The following MGAT5 variants were observed in gnomAD, a reference collection of about 807,000 sequenced individuals.
MGAT5 encodes alpha-1,6-mannosylglycoprotein 6-beta-N-acetylglucosaminyltransferase A.
A neutral mutation model predicts 94.3 loss-of-function variants in MGAT5; 30 were observed. That is an observed-to-expected ratio of 0.32 (90% CI 0.24 to 0.43). The LOEUF is 0.43. Ranked by LOEUF, MGAT5 falls within the 20% of genes least tolerant of loss-of-function variation. The pLI is 1.00. For synonymous variants in MGAT5, 310 were observed against 322.9 expected, an observed-to-expected ratio of 0.96 and a Z score of 0.43; for missense variants, 691 against 905.5, an observed-to-expected ratio of 0.76 and a Z score of 3.04.
intron 2 of MGAT5, among the ~76,000 whole-genome samples, chr2:134,279,834 A>G (rs1020231973): frequency 6.6e-6 from 1 of 152,236 alleles, no homozygotes; most frequent in African/African-American, 2.4e-5. Flanking sequence ...GCTACAGCAT[A>G]GCATATGCTT....
chr2:134,126,376 T>G (rs1316203186), intron 1 of MGAT5, among the ~76,000 whole-genome samples: 1 of 152,234 alleles, frequency 6.6e-6, no homozygotes, highest in Non-Finnish European at 1.5e-5. Flanking sequence ...AAGAGGGGAT[T>G]GAATGCGCTC....
At chr2:134,222,570 C>G (rs1260885463) in intron 1 of MGAT5, among the ~76,000 whole-genome samples, 1 of 152,274 alleles carries the variant, frequency 6.6e-6, no homozygotes, top group Non-Finnish European at 1.5e-5. Context: ...AGTGCCTGGT[C>G]CTTGGTGTTT....
chr2:134,354,519 C>T (rs1039056511), intron 9 of MGAT5, among the ~76,000 whole-genome samples: 12 of 152,168 alleles, frequency 7.9e-5, no homozygotes, highest in Non-Finnish European at 1.6e-4. Context: ...TCATGGTACA[C>T]GTCTCACTTT....
intron 1 of MGAT5, among the ~76,000 whole-genome samples, chr2:134,237,123 A>G (rs199684514): frequency 4.1e-4 from 57 of 140,722 alleles, no homozygotes; most frequent in East Asian, 2.3e-3. Flanking sequence ...GAAGGAGTAT[A>G]TGTGTGTGTG....
At chr2:134,293,180 A>T (rs1375223879) in intron 2 of MGAT5, among the ~76,000 whole-genome samples, 2 of 152,236 alleles carry the variant, frequency 1.3e-5, no homozygotes, top group Non-Finnish European at 2.9e-5. Context: ...CATGTATATG[A>T]TAATAAGCAT....
intron 10 of MGAT5, among the ~76,000 whole-genome samples, chr2:134,382,083 G>A (rs1172590811): frequency 1.3e-5 from 2 of 151,900 alleles, no homozygotes; most frequent in South Asian, 2.1e-4. Flanking sequence ...GGAATCACCC[G>A]GAGAGCCATT....
chr2:134,230,867 C>T (rs1440293882), intron 1 of MGAT5, among the ~76,000 whole-genome samples: 13 of 152,234 alleles, frequency 8.5e-5, no homozygotes, highest in Middle Eastern at 6.8e-3. Flanking sequence ...CATACACAAA[C>T]GCTCATAGCA....
intron 1 of MGAT5, among the ~76,000 whole-genome samples, chr2:134,164,755 G>A (rs763062225): frequency 6.6e-5 from 10 of 151,732 alleles, no homozygotes; most frequent in Admixed American, 1.3e-4. Context: ...GCTTGAGTCC[G>A]GAAGGTTGAG....
Position 134,312,467 on chromosome 2 carries a change from G to A in MGAT5, c.407-5062G>A, listed in dbSNP as rs147430143. ...CCTTGGGTCAGTGACTCCAAGTAAG[G>A]CTCTCCCACTGCTTTTTATCTGTGG... is the stretch of plus-strand genomic sequence containing the variant. On this transcript the variant is annotated intron_variant, in intron 2 of 15. Transcript: ENST00000281923. Among the ~76,000 whole-genome samples, 5 of 152,224 alleles carry A rather than the reference G, an allele frequency of 3.3e-5. No homozygotes were observed. The East Asian group carries it at 9.7e-4, about 30-fold the overall frequency.
At chr2:134,341,528 G>T (rs941284382) in intron 6 of MGAT5, 62 bp from the exon 7 acceptor site, 1 of 1,349,698 alleles carries the variant, frequency 7.4e-7, no homozygotes, top group Non-Finnish European at 1.0e-6. Context: ...ATTTCTTGGC[G>T]CATTACTGTG....
At chr2:134,334,992 C>T (rs1688249787) in intron 4 of MGAT5, among the ~76,000 whole-genome samples, 1 of 152,162 alleles carries the variant, frequency 6.6e-6, no homozygotes, top group African/African-American at 2.4e-5. Context: ...AGAGATTCCG[C>T]CCTCTCCCCA....
intron 1 of MGAT5, among the ~76,000 whole-genome samples, chr2:134,256,314 C>T (rs1490501813): frequency 5.3e-5 from 8 of 152,074 alleles, no homozygotes; most frequent in African/African-American, 1.9e-4. Flanking sequence ...TTAGTGTTAC[C>T]AATGTATATG....
At chr2:134,243,103 A>G (rs1257187) in intron 1 of MGAT5, among the ~76,000 whole-genome samples, 127,791 of 151,792 alleles carry the variant, frequency 0.84, 54,000 homozygotes, top group African/African-American at 0.88. Context: ...GTTTCACTAG[A>G]TAGGGCCAAT....
intron 1 of MGAT5, among the ~76,000 whole-genome samples, chr2:134,198,216 C>T (rs558776494): frequency 6.6e-6 from 1 of 152,340 alleles, no homozygotes; most frequent in South Asian, 2.1e-4. Context: ...TCTGCCTCTG[C>T]TAGCTCAGTG....
intron 1 of MGAT5, among the ~76,000 whole-genome samples, chr2:134,223,645 C>T (rs78576053): frequency 0.016 from 2,370 of 151,088 alleles, 25 homozygotes; most frequent in Middle Eastern, 0.034. Flanking sequence ...TTAAGTGTTA[C>T]GTTTTACCCT....
intron 12 of MGAT5, among the ~76,000 whole-genome samples, chr2:134,418,870 C>A (rs188812061): frequency 6.6e-6 from 1 of 152,316 alleles, no homozygotes; most frequent in East Asian, 1.9e-4. Context: ...CAACATCAGA[C>A]AGCATTGAGA....
chr2:134,159,560 T>C (rs1687636669), intron 1 of MGAT5, among the ~76,000 whole-genome samples: 1 of 152,192 alleles, frequency 6.6e-6, no homozygotes, highest in Admixed American at 6.5e-5. Context: ...AGTATGAGGC[T>C]GGGCATGGTG....
At chr2:134,358,058 T>G (rs546542381) in intron 9 of MGAT5, among the ~76,000 whole-genome samples, 4 of 152,166 alleles carry the variant, frequency 2.6e-5, no homozygotes, top group Non-Finnish European at 5.9e-5. Flanking sequence ...CTTCAGTATT[T>G]TAAATGATGT....
At chr2:134,122,290 G>C (rs940585450) in intron 1 of MGAT5, among the ~76,000 whole-genome samples, 1 of 152,116 alleles carries the variant, frequency 6.6e-6, no homozygotes, top group South Asian at 2.1e-4. Context: ...TTTTAGTAGA[G>C]ACGAGGTTTC....
Sources: gnomAD v4.1 joint callset for allele counts (sites outside exome capture counted in the v4.1 genomes callset) on GRCh38, gnomAD v4.1.1 for gene constraint, MANE v1.5 for transcripts, NCBI Gene and HGNC (gene_info 2026-07-23, HGNC 2026-07-21) for gene names.